The following TAB2 variants were observed in gnomAD, a reference collection of about 807,000 sequenced individuals.
TAB2 encodes the protein TGF-beta activated kinase 1 (MAP3K7) binding protein 2.
A neutral mutation model predicts 65.0 loss-of-function variants in TAB2; 3 were observed. That is an observed-to-expected ratio of 0.05 (90% CI 0.02 to 0.12). The LOEUF is 0.12. TAB2 is among the 10% of genes least tolerant of loss of function. The pLI is 1.00. For missense variants in TAB2, 623 were observed against 840.3 expected (o/e 0.74, Z 3.20); for synonymous variants, 298 against 285.1 (o/e 1.05, Z -0.46).
Position 149,378,528 on chromosome 6 carries a change from C to T in TAB2, c.613C>T (p.Leu205Phe), listed in dbSNP as rs763333319. Reference protein sequence around the residue: ...LHIHGVPPPVLNSPQGNSIYI... With the variant: ...LHIHGVPPPVFNSPQGNSIYI... ...CATACATGGTGTACCTCCACCTGTACTTAACAGTCCACAGGGAAATTCTAT... is the reference window on the plus strand; with the variant it reads ...CATACATGGTGTACCTCCACCTGTATTTAACAGTCCACAGGGAAATTCTAT... Residue 205 changes from leucine to phenylalanine, a missense_variant, in exon 3 of 7, where the codon CTT becomes TTT. By Grantham distance (22) the Leu-to-Phe change is conservative. Coordinates refer to ENST00000637181, the MANE Select transcript of TAB2 (RefSeq NM_001292034.3). 6.8e-6 allele frequency: 11 copies of T among 1,614,042 alleles called. No homozygotes were observed. In the South Asian group the frequency reaches 1.2e-4, roughly 18 times the overall value.
chr6:149,385,487 CTT>C (rs1781760962), intron 3 of TAB2, among the ~76,000 whole-genome samples: 1 of 152,216 alleles, frequency 6.6e-6, no homozygotes, highest in South Asian at 2.1e-4. Flanking sequence ...TGTAGCAAGA[CTT>C]TGTCTCTAAA....
Position 149,325,451 on chromosome 6 carries a change from T to G in TAB2, c.-90+7436T>G, listed in dbSNP as rs550089488. The stretch of plus-strand genomic sequence containing the variant: ...AGAATTTCTGTACTTTTTAATTTAC[T>G]GTAACTCCTTAGACCAAGATGAAAC... On this transcript the variant is annotated intron_variant, in intron 1 of 6. Transcript: ENST00000637181. 2.0e-5 allele frequency among the ~76,000 whole-genome samples: 3 copies of G among 152,362 alleles called. No homozygotes were observed. In the East Asian group the frequency reaches 5.8e-4, roughly 29 times the overall value.
exon 1 of TAB2, chr6:149,218,643 T>G (rs1777073752): frequency 4.9e-6 from 2 of 406,250 alleles, no homozygotes; most frequent in South Asian, 3.6e-5. Context: ...TAATGCTCAG[T>G]GAGGTGAACT....
intron 1 of TAB2, among the ~76,000 whole-genome samples, chr6:149,363,636 TTAA>T (rs1430314819): frequency 2.0e-5 from 3 of 152,118 alleles, no homozygotes; most frequent in Non-Finnish European, 2.9e-5. Flanking sequence ...TGTGAAAAAA[TTAA>T]TAATTACTAT....
chr6:149,316,578 T>C (rs1204661492), upstream of TAB2, among the ~76,000 whole-genome samples: 3 of 152,164 alleles, frequency 2.0e-5, no homozygotes, highest in Non-Finnish European at 2.9e-5. Flanking sequence ...AGCGCTAGAA[T>C]TTTTAAATAA....
At chr6:149,396,158 C>T (rs772829005) in intron 3 of TAB2, among the ~76,000 whole-genome samples, 64 of 152,260 alleles carry the variant, frequency 4.2e-4, no homozygotes, top group Admixed American at 6.5e-4. Context: ...GCTGGGATTA[C>T]AGGCATCCAC....
intron 1 of TAB2, among the ~76,000 whole-genome samples, chr6:149,242,060 T>C (rs1221139345): frequency 1.3e-5 from 2 of 152,122 alleles, no homozygotes; most frequent in Non-Finnish European, 2.9e-5. Flanking sequence ...CAGCTTCCCA[T>C]TAGGAAACTG....
At chr6:149,323,638 A>C (rs1415299179) in intron 1 of TAB2, among the ~76,000 whole-genome samples, 2 of 151,960 alleles carry the variant, frequency 1.3e-5, no homozygotes, top group Non-Finnish European at 2.9e-5. Flanking sequence ...GTACCAGTCA[A>C]CTCTTTCCTG....
chr6:149,296,618 A>T (rs1294680254), intron 1 of TAB2, among the ~76,000 whole-genome samples: 1 of 152,244 alleles, frequency 6.6e-6, no homozygotes, highest in Non-Finnish European at 1.5e-5. Context: ...TATTGTAAAC[A>T]GAAAGTTCTC....
At chr6:149,260,705 T>TCACTGAGAAG (rs1778136185) in intron 1 of TAB2, among the ~76,000 whole-genome samples, 1 of 152,154 alleles carries the variant, frequency 6.6e-6, no homozygotes, top group African/African-American at 2.4e-5. Context: ...GGCGTGGTAT[T>TCACTGAGAAG]CACTGAGAAG....
chr6:149,252,377 G>A (rs1777879924), intron 1 of TAB2, among the ~76,000 whole-genome samples: 1 of 143,880 alleles, frequency 7.0e-6, no homozygotes. Context: ...TGCAACCTGG[G>A]CAACAAGAGC....
chr6:149,362,499 G>A (rs180939491), intron 1 of TAB2, among the ~76,000 whole-genome samples: 7 of 152,252 alleles, frequency 4.6e-5, no homozygotes, highest in Admixed American at 2.0e-4. Flanking sequence ...TGAGAAATCC[G>A]TCTCCATGAT....
chr6:149,244,999 A>G (rs1777681478), intron 1 of TAB2: 1 of 152,168 alleles, frequency 6.6e-6, no homozygotes, highest in Non-Finnish European at 1.5e-5. Context: ...TGCTATCCCC[A>G]TTTCATGATG....
At chr6:149,299,841 ATT>A (rs5880830) in intron 1 of TAB2, among the ~76,000 whole-genome samples, 3,223 of 146,446 alleles carry the variant, frequency 0.022, 101 homozygotes, top group African/African-American at 0.074. Flanking sequence ...CAGTTCTACA[ATT>A]TTTTTTTTTT....
intron 3 of TAB2, among the ~76,000 whole-genome samples, chr6:149,389,246 A>AC (rs1186482417): frequency 6.6e-6 from 1 of 151,898 alleles, no homozygotes; most frequent in Non-Finnish European, 1.5e-5. Context: ...GAGCCACTGC[A>AC]CCCAGCCCCA....
At chr6:149,326,647 A>G (rs1308600395) in intron 1 of TAB2, among the ~76,000 whole-genome samples, 2 of 151,754 alleles carry the variant, frequency 1.3e-5, no homozygotes, top group Non-Finnish European at 2.9e-5. Context: ...TCCTGGGTTC[A>G]AGCAATTCTC....
At chr6:149,366,211 C>G (rs1395357177) in intron 1 of TAB2, among the ~76,000 whole-genome samples, 1 of 152,092 alleles carries the variant, frequency 6.6e-6, no homozygotes, top group African/African-American at 2.4e-5. Flanking sequence ...CTGTATTCCT[C>G]CAGTGAGTAT....
chr6:149,403,399 TTAA>T (rs1210077757), intron 6 of TAB2, among the ~76,000 whole-genome samples: 1 of 132,258 alleles, frequency 7.6e-6, no homozygotes, highest in African/African-American at 2.8e-5. Context: ...TAGAAGGAAC[TTAA>T]TAAAGGCCAT....
At chr6:149,383,474 T>G (rs1050167529) in intron 3 of TAB2, among the ~76,000 whole-genome samples, 1 of 152,250 alleles carries the variant, frequency 6.6e-6, no homozygotes, top group Non-Finnish European at 1.5e-5. Context: ...AGTTTTGCAT[T>G]ATCTGTGTGT....
Sources: gnomAD v4.1 joint callset for allele counts (sites outside exome capture counted in the v4.1 genomes callset) on GRCh38, gnomAD v4.1.1 for gene constraint, MANE v1.5 for transcripts, NCBI Gene and HGNC (gene_info 2026-07-23, HGNC 2026-07-21) for gene names.